Variants in HMCN1 observed in about 807,000 individuals in gnomAD.
HMCN1 encodes hemicentin 1.
Under a neutral mutation model 625.9 loss-of-function variants are expected in HMCN1, and 321 were observed. The observed-to-expected ratio is 0.51, with a 90% confidence interval of 0.47 to 0.56. The LOEUF is 0.56. Ranked by LOEUF, HMCN1 falls within the 20% of genes least tolerant of loss-of-function variation. The pLI, the probability that HMCN1 is intolerant of heterozygous loss-of-function variation, is 0.00. For synonymous variants in HMCN1, 2,425 were observed against 2,417.6 expected, an observed-to-expected ratio of 1.00 and a Z score of -0.09; for missense variants, 6,588 against 6,887.3, an observed-to-expected ratio of 0.96 and a Z score of 1.54.
chr1:186,024,560 G>T (rs771287041), intron 36 of HMCN1, among the ~76,000 whole-genome samples: 1 of 152,082 alleles, frequency 6.6e-6, no homozygotes, highest in Non-Finnish European at 1.5e-5. Flanking sequence ...CATCTTAGGC[G>T]CTTAGGAGTC....
intron 5 of HMCN1, among the ~76,000 whole-genome samples, chr1:185,910,207 ATT>A (rs766928799): frequency 6.6e-6 from 1 of 152,032 alleles, no homozygotes; most frequent in Non-Finnish European, 1.5e-5. Flanking sequence ...TTTTCTCTAT[ATT>A]TATAAATAGG....
chr1:185,943,293 A>G (rs1442802858), intron 11 of HMCN1, among the ~76,000 whole-genome samples: 1 of 152,176 alleles, frequency 6.6e-6, no homozygotes, highest in East Asian at 1.9e-4. Flanking sequence ...TATGATTGGT[A>G]TCTGAAATGG....
chr1:186,164,992 G>A (rs1211259206), intron 97 of HMCN1, 119 bp from the exon 98 acceptor site: 2 of 857,952 alleles, frequency 2.3e-6, no homozygotes, highest in African/African-American at 3.4e-5. Flanking sequence ...TTCACCTATT[G>A]CATTTTTGCA....
chr1:185,999,933 A>T, intron 25 of HMCN1, 112 bp from the exon 26 acceptor site: 2 of 728,110 alleles, frequency 2.7e-6, no homozygotes, highest in Non-Finnish European at 4.5e-6. Context: ...CATAGGACCT[A>T]AGGTTATAAA....
At chr1:185,891,974 ACAT>A (rs1665123155) in intron 4 of HMCN1, among the ~76,000 whole-genome samples, 3 of 150,846 alleles carry the variant, frequency 2.0e-5, no homozygotes, top group Non-Finnish European at 2.9e-5. Flanking sequence ...TGGTCTTTTC[ACAT>A]AGTCCCACAT....
intron 2 of HMCN1, among the ~76,000 whole-genome samples, chr1:185,858,419 TTTTA>T: frequency 6.6e-6 from 1 of 151,588 alleles, no homozygotes; most frequent in African/African-American, 2.4e-5. Flanking sequence ...AAAGGATTTA[TTTTA>T]TTTATTTATT....
chr1:185,958,946 A>G (rs1649822778), intron 11 of HMCN1, among the ~76,000 whole-genome samples: 1 of 152,198 alleles, frequency 6.6e-6, no homozygotes, highest in African/African-American at 2.4e-5. Context: ...TGACTACTAG[A>G]AAGAGATTTA....
intron 11 of HMCN1, chr1:185,957,018 G>C (rs183152152): frequency 6.6e-6 from 1 of 152,306 alleles, no homozygotes; most frequent in East Asian, 1.9e-4. Flanking sequence ...CTTAATTGCT[G>C]AATAAACCTC....
At chr1:186,086,512 T>A in intron 58 of HMCN1, 105 bp downstream of exon 58, 1 of 1,197,200 alleles carries the variant, frequency 8.4e-7, no homozygotes, top group Non-Finnish European at 1.2e-6. Context: ...GTGCTTCATT[T>A]ATTTATTCAC....
intron 1 of HMCN1, among the ~76,000 whole-genome samples, chr1:185,805,560 A>T (rs952651328): frequency 1.3e-5 from 2 of 152,210 alleles, no homozygotes; most frequent in African/African-American, 4.8e-5. Context: ...ATAAAGGACA[A>T]AAAAGGAATA....
At chr1:186,185,372 T>G (rs1653224390) in intron 105 of HMCN1, among the ~76,000 whole-genome samples, 1 of 152,152 alleles carries the variant, frequency 6.6e-6, no homozygotes, top group Non-Finnish European at 1.5e-5. Context: ...CTAGAAGGCT[T>G]TTCAAGTCAC....
intron 75 of HMCN1, 150 bp from the exon 76 acceptor site, chr1:186,116,844 T>C: frequency 1.3e-6 from 1 of 767,356 alleles, no homozygotes; most frequent in South Asian, 1.6e-5. Flanking sequence ...CTCTAATGCA[T>C]AAAGTTGGCC....
intron 4 of HMCN1, among the ~76,000 whole-genome samples, chr1:185,886,383 G>C (rs920319533): frequency 2.0e-4 from 30 of 152,020 alleles, no homozygotes; most frequent in African/African-American, 6.8e-4. Context: ...GAGATTCTTT[G>C]GTTAGGTGTT....
intron 103 of HMCN1, among the ~76,000 whole-genome samples, chr1:186,178,186 A>G (rs1454754232): frequency 6.6e-6 from 1 of 152,152 alleles, no homozygotes; most frequent in Non-Finnish European, 1.5e-5. Context: ...AAATGTGTGG[A>G]TATAATATAG....
intron 1 of HMCN1, among the ~76,000 whole-genome samples, chr1:185,804,017 G>T (rs1473719786): frequency 6.6e-6 from 1 of 152,030 alleles, no homozygotes; most frequent in East Asian, 1.9e-4. Flanking sequence ...AGCCCCAGAT[G>T]TGTGAATTGG....
chr1:185,915,903 G>A (rs1366778712), intron 6 of HMCN1, among the ~76,000 whole-genome samples: 1 of 151,910 alleles, frequency 6.6e-6, no homozygotes, highest in Admixed American at 6.6e-5. Context: ...TTGGGTCAGT[G>A]GCATGTTTGA....
chr1:186,027,728 C>A (rs1655151699), intron 36 of HMCN1, among the ~76,000 whole-genome samples: 1 of 152,160 alleles, frequency 6.6e-6, no homozygotes, highest in Admixed American at 6.5e-5. Context: ...CTCACTGCAC[C>A]ATTTTCATAA....
chr1:185,903,900 G>A (rs1315706091), intron 4 of HMCN1, among the ~76,000 whole-genome samples: 8 of 151,786 alleles, frequency 5.3e-5, no homozygotes, highest in African/African-American at 7.3e-5. Flanking sequence ...ATAGGCACAC[G>A]TACAAAGAGC....
At position 185,961,002 on chromosome 1, in the gene HMCN1, A is replaced by G. The variant is rs117043637; in HGVS notation, c.1829-1516A>G. 9.9e-4 allele frequency among the ~76,000 whole-genome samples: 151 copies of G among 152,270 alleles called. 4 individuals are homozygous for G. In the East Asian group the frequency reaches 0.024, roughly 24 times the overall value. On this transcript the variant is annotated intron_variant, in intron 11 of 106. Coordinates refer to ENST00000271588, the MANE Select transcript of HMCN1 (RefSeq NM_031935.3). ...TGACCTCACACATTTCTCTAGCCCT[A>G]TGCTCACCAACAAGAATCCGTGGAA... is the stretch of plus-strand genomic sequence containing the variant.
Sources: allele counts gnomAD v4.1 joint callset (sites outside exome capture counted in the v4.1 genomes callset), GRCh38; gene constraint gnomAD v4.1.1; transcripts MANE v1.5; gene names NCBI Gene and HGNC (gene_info 2026-07-23, HGNC 2026-07-21).